CLCN1: variants seen among roughly 807,000 people sequenced by gnomAD.
CLCN1 encodes chloride channel protein 1.
CLCN1 carries 100 observed loss-of-function variants against 114.5 expected under a neutral mutation model. The ratio of observed to expected loss-of-function variants is 0.87; its 90% confidence interval spans 0.74 to 1.03. The LOEUF (loss-of-function observed/expected upper bound fraction) is 1.03. CLCN1 is among the 50% of genes least tolerant of loss of function. The probability of loss-of-function intolerance (pLI) is 0.00; values close to 1 mark genes in which losing one functional copy is unlikely to be tolerated. For synonymous variants in CLCN1, 485 were observed against 487.1 expected (o/e 1.00, Z 0.06); for missense variants, 1,188 against 1,250.0 (o/e 0.95, Z 0.75).
chr7:143,316,169 G>A lies in CLCN1; in HGVS notation c.-44G>A, dbSNP rs753841881. ...AGGAGCTACACTGGGGGAAGGACAG[G>A]GGCAAGCAGGCCAAGGCCTGGCCGG... On this transcript the variant is annotated 5_prime_UTR_variant, in exon 1 of 23. Coordinates refer to ENST00000343257, the MANE Select transcript of CLCN1 (RefSeq NM_000083.3). 1.3e-6 allele frequency: 2 copies of A among 1,531,712 alleles called. No homozygotes were observed. Among genetic ancestry groups the A allele is most frequent in the Admixed American group, 3.3e-5 (2 of 59,880 alleles). The allele number at this position is 1,531,712 out of a possible 1,614,324, so 94.9% of individuals were successfully genotyped here.
intron 14 of CLCN1, among the ~76,000 whole-genome samples, chr7:143,341,679 T>C (rs1051622928): frequency 6.6e-6 from 1 of 152,138 alleles, no homozygotes; most frequent in African/African-American, 2.4e-5. Flanking sequence ...ATCACTATCT[T>C]CATATTATAA....
At position 143,339,537 on chromosome 7, in the gene CLCN1, G is replaced by T; in HGVS notation, c.1498G>T (p.Glu500Ter). ...AGCTGCATTTGGAAGGCTGGTAGGA[G>T]AAATCATGGCCATGCTCTTTCCTGA... ...LGAAFGRLVGEIMAMLFPDGI... is the reference protein window; with the variant it reads ...LGAAFGRLVG Residue 500 changes from glutamate to a stop codon, truncating the protein, a stop_gained, in exon 14 of 23, where the codon GAA (glutamate) becomes TAA (stop). Transcript: ENST00000343257. LOFTEE classifies it high-confidence loss of function. This position sits in a 1 kb window ranked among gnomAD's most constrained non-coding sequence, Gnocchi z 4.1. 6.2e-7 allele frequency: 1 copy of T among 1,613,876 alleles called. No individual in the cohort carries two copies. Among genetic ancestry groups the T allele is most frequent in the Non-Finnish European group, 8.5e-7 (1 of 1,179,748 alleles).
chr7:143,351,492 T>G, intron 22 of CLCN1, 102 bp from the exon 23 acceptor site: 1 of 1,311,310 alleles, frequency 7.6e-7, no homozygotes, highest in Non-Finnish European at 1.1e-6. Flanking sequence ...TCCTGTTCTT[T>G]TTTCCTTTCA....
chr7:143,327,461 T>G (rs1279578093), intron 7 of CLCN1, among the ~76,000 whole-genome samples: 1 of 152,076 alleles, frequency 6.6e-6, no homozygotes, highest in East Asian at 1.9e-4. Context: ...TGGCCAGCTT[T>G]GAGTGTCCAC....
At position 143,319,858 on chromosome 7, in the gene CLCN1, A is replaced by G. The variant is rs1190152596; in HGVS notation, c.284A>G (p.His95Arg). 2 of 1,613,816 alleles carry G rather than the reference A, an allele frequency of 1.2e-6. No individual in the cohort carries two copies. The highest frequency in any genetic ancestry group is 1.7e-6 in the Non-Finnish European group (2 of 1,179,810). Reference protein sequence around the residue: ...SSTVDSKDEDHYSKCQDCIHR... With the variant: ...SSTVDSKDEDRYSKCQDCIHR... The stretch of plus-strand genomic sequence containing the variant: ...ACCGTGGACAGCAAGGATGAGGATC[A>G]CTATTCTAAATGTCAAGGTGATGGG... Residue 95 changes from histidine to arginine, a missense_variant, in exon 2 of 23, where the codon CAC becomes CGC. His to Arg is a conservative substitution (Grantham distance 29, BLOSUM62 0). Transcript: ENST00000343257.
rs958769629 is a variant in CLCN1, at chr7:143,324,672, G to A, written c.853+180G>A. ...GCACTTACTTTTATTCCTGGCCAAAGCCATATGAGACAGATATTACAGAGG... is the reference window on the plus strand; with the variant it reads ...GCACTTACTTTTATTCCTGGCCAAAACCATATGAGACAGATATTACAGAGG... On this transcript the variant is annotated intron_variant, in intron 7 of 22. Transcript: ENST00000343257. The surrounding 1 kb of genome is among the most constrained non-coding windows in gnomAD (Gnocchi z 4.6). Among the ~76,000 whole-genome samples, 27 of 152,234 alleles carry A rather than the reference G, an allele frequency of 1.8e-4. 1 individual carries two copies. Among genetic ancestry groups the A allele is most frequent in the African/African-American group, 6.5e-4 (27 of 41,468 alleles).
chr7:143,326,013 TTTGTTTG>T (rs1159273201), intron 7 of CLCN1, among the ~76,000 whole-genome samples: 2 of 148,300 alleles, frequency 1.3e-5, no homozygotes, highest in African/African-American at 5.2e-5. Flanking sequence ...GTTTTTTTTG[TTTGTTTG>T]TTTGTTTGTT....
In CLCN1 at chr7:143,320,755, C is replaced by T; in HGVS notation, c.393C>T (p.Val131=). 1.2e-6 allele frequency: 2 copies of T among 1,613,602 alleles called. No individual in the cohort carries two copies. Among genetic ancestry groups the T allele is most frequent in the Non-Finnish European group, 1.7e-6 (2 of 1,179,658 alleles). ...LVLLGLLMAL[V]SWSMDYVSAK... ...TTCTGGGACTGCTGATGGCTCTGGT[C>T]AGCTGGAGCATGGACTACGTCAGTG... Residue 131 remains valine (V), a synonymous_variant, in exon 3 of 23, where the codon GTC becomes GTT. Transcript: ENST00000343257.
chr7:143,346,616 C>G lies in CLCN1; in HGVS notation c.2322C>G (p.Cys774Trp), dbSNP rs1321312278. Reference protein sequence around the residue: ...RPSIFQSLLHCLLGRARPTKK... With the variant: ...RPSIFQSLLHWLLGRARPTKK... ...CCATCTTCCAGTCCCTGCTTCACTG[C>G]TTGCTGGGCAGAGCTCGCCCCACAA... Residue 774 changes from cysteine to tryptophan, a missense_variant, in exon 19 of 23, where the codon TGC (cysteine) becomes TGG (tryptophan). Physicochemically the swap from Cys to Trp is radical, Grantham distance 215. Coordinates refer to ENST00000343257, the MANE Select transcript of CLCN1 (RefSeq NM_000083.3). 1 of 1,613,988 alleles carries G rather than the reference C, an allele frequency of 6.2e-7. No homozygotes were observed. The highest frequency in any genetic ancestry group is 8.5e-7 in the Non-Finnish European group (1 of 1,179,960).
intron 7 of CLCN1, among the ~76,000 whole-genome samples, chr7:143,325,599 A>G (rs968855992): frequency 7.9e-5 from 12 of 152,230 alleles, no homozygotes; most frequent in African/African-American, 2.7e-4. Context: ...AAACGTTCAC[A>G]CTTACATTTA....
At chr7:143,346,446 T>C in intron 18 of CLCN1, 133 bp from the exon 19 acceptor site, 6 of 790,604 alleles carry the variant, frequency 7.6e-6, no homozygotes, top group Admixed American at 1.9e-5. Flanking sequence ...GAGGGTGATT[T>C]AGGAGGGTAG....
chr7:143,347,775 C>T (rs1018867859), intron 20 of CLCN1, among the ~76,000 whole-genome samples: 2 of 152,078 alleles, frequency 1.3e-5, no homozygotes, highest in African/African-American at 2.4e-5. Context: ...ATAATGACCA[C>T]GGTGCCTCCT....
At chr7:143,335,953 C>G (rs1042069442) in intron 12 of CLCN1, among the ~76,000 whole-genome samples, 1 of 152,124 alleles carries the variant, frequency 6.6e-6, no homozygotes, top group Non-Finnish European at 1.5e-5. Flanking sequence ...AGCCACCGCA[C>G]CTGGCCAATT....
chr7:143,330,941 G>C, intron 8 of CLCN1, 44 bp downstream of exon 8: 1 of 1,613,976 alleles, frequency 6.2e-7, no homozygotes, highest in Non-Finnish European at 8.5e-7. Flanking sequence ...AAATAGAAAA[G>C]CTGGGAATGG....
rs181900908 is a variant in CLCN1 at position 143,326,210 on chromosome 7, G to A, written c.853+1718G>A. On this transcript the variant is annotated intron_variant, in intron 7 of 22. Transcript: ENST00000343257. ...TTTTTGTATTTTTAGTAGAGACAGGGTTTAACCATGTTGGCCAGGCTGCTC... is the reference window on the plus strand; with the variant it reads ...TTTTTGTATTTTTAGTAGAGACAGGATTTAACCATGTTGGCCAGGCTGCTC... 1.9e-3 allele frequency among the ~76,000 whole-genome samples: 290 copies of A among 152,082 alleles called. 2 individuals are homozygous for A. The highest frequency in any genetic ancestry group is 0.014 in the Middle Eastern group (4 of 294).
intron 7 of CLCN1, among the ~76,000 whole-genome samples, chr7:143,326,523 G>A (rs1478342657): frequency 2.6e-5 from 4 of 152,224 alleles, no homozygotes; most frequent in East Asian, 1.9e-4. Flanking sequence ...TAGCTCACTC[G>A]AAAAAGTGGC....
Position 143,351,663 on chromosome 7 carries a change from A to T in CLCN1, c.2665A>T (p.Asn889Tyr). 6.2e-7 allele frequency: 1 copy of T among 1,614,134 alleles called. No homozygotes were observed. Among genetic ancestry groups the T allele is most frequent in the Non-Finnish European group, 8.5e-7 (1 of 1,180,034 alleles). The change falls in exon 23 of 23, where the codon AAC (asparagine) becomes TAC (tyrosine). Residue 889 changes from asparagine to tyrosine, a missense_variant. By Grantham distance (143) the Asn-to-Tyr change is moderately radical (BLOSUM62 -2). Coordinates refer to ENST00000343257, the MANE Select transcript of CLCN1 (RefSeq NM_000083.3). ...CCGCCCTCCCCTTGCCAGCTTCCGG[A>T]ACACGACTTCAACTCGAAAGAGTAC... Reference protein sequence around the residue: ...QLRPPLASFRNTTSTRKSTGA... With the variant: ...QLRPPLASFRYTTSTRKSTGA...
At chr7:143,346,325 C>A in intron 18 of CLCN1, 74 bp downstream of exon 18, 1 of 1,008,666 alleles carries the variant, frequency 9.9e-7, no homozygotes, top group Non-Finnish European at 1.6e-6. Flanking sequence ...TGACCTTGAC[C>A]TGCATGCAAT....
chr7:143,316,320 C>G lies in CLCN1; in HGVS notation c.108C>G (p.Pro36=), dbSNP rs749833088. ...AACACTGCACCAGCTACGGACTGCC[C>G]TCTGAGAATGGGGGCCTCCAGCACA... ...PFEHCTSYGL[P]SENGGLQHRL... The change falls in exon 1 of 23, where the codon CCC becomes CCG. Residue 36 remains proline (P), a synonymous_variant. Transcript: ENST00000343257. The G allele has an allele frequency of 1.9e-6, 3 of 1,613,470 alleles. No homozygotes were observed. The East Asian group carries it at 6.7e-5, about 36-fold the overall frequency.
Sources: allele counts gnomAD v4.1 joint callset (sites outside exome capture counted in the v4.1 genomes callset), GRCh38; gene constraint gnomAD v4.1.1; non-coding constraint Gnocchi (gnomAD v3.1); transcripts MANE v1.5; gene names NCBI Gene and HGNC (gene_info 2026-07-23, HGNC 2026-07-21).